Variants in DNAH11 observed in about 807,000 individuals in gnomAD.
DNAH11 encodes axonemal beta dynein heavy chain 11.
Under a neutral mutation model 526.0 loss-of-function variants are expected in DNAH11, and 442 were observed. The observed-to-expected ratio is 0.84, with a 90% CI of 0.78 to 0.91. The LOEUF (loss-of-function observed/expected upper bound fraction) is 0.91, where lower values mean the gene tolerates loss of function less well. DNAH11 is among the 40% of genes least tolerant of loss of function. The pLI is 0.00. For synonymous variants in DNAH11, 2,461 were observed against 1,935.9 expected, an observed-to-expected ratio of 1.27 and a Z score of -7.12; for missense variants, 6,989 against 5,448.7, an observed-to-expected ratio of 1.28 and a Z score of -8.90.
intron 31 of DNAH11, among the ~76,000 whole-genome samples, chr7:21,682,968 T>G (rs1431196108): frequency 6.6e-6 from 1 of 152,224 alleles, no homozygotes; most frequent in Admixed American, 6.5e-5. Context: ...ATGAACTGTT[T>G]ATATCTAACT....
chr7:21,834,035 T>A (rs1195013901), intron 65 of DNAH11, among the ~76,000 whole-genome samples: 1 of 152,146 alleles, frequency 6.6e-6, no homozygotes, highest in Non-Finnish European at 1.5e-5. Flanking sequence ...TTCCACCCAA[T>A]AGCGCAGAAT....
rs116739148 is a variant in DNAH11, at chr7:21,708,125, A to C, written c.6683+290A>C. 0.014 allele frequency among the ~76,000 whole-genome samples: 2,170 copies of C among 152,320 alleles called. 49 individuals carry two copies. Among genetic ancestry groups the C allele is most frequent in the African/African-American group, 0.049 (2,022 of 41,572 alleles). ...GTGAAGTCAACATGAATGCCTCAGG[A>C]AACATCTATAAAGTACCTGATATGA... On this transcript the variant is annotated intron_variant, in intron 40 of 81. Transcript: ENST00000409508.
chr7:21,805,903 T>C (rs1789245594), intron 62 of DNAH11, among the ~76,000 whole-genome samples: 1 of 152,218 alleles, frequency 6.6e-6, no homozygotes, highest in Non-Finnish European at 1.5e-5. Context: ...TCAAGACTGA[T>C]GATTTTGTCT....
intron 54 of DNAH11, among the ~76,000 whole-genome samples, chr7:21,763,739 A>T (rs1272883730): frequency 6.7e-6 from 1 of 150,074 alleles, no homozygotes; most frequent in East Asian, 1.9e-4. Context: ...GATAGCTGAG[A>T]TATGCAAGCA....
chr7:21,881,227 T>G (rs1042533733), intron 75 of DNAH11, among the ~76,000 whole-genome samples: 2 of 152,222 alleles, frequency 1.3e-5, no homozygotes, highest in African/African-American at 2.4e-5. Flanking sequence ...TTTGCACAAA[T>G]GTAATTACAT....
intron 65 of DNAH11, among the ~76,000 whole-genome samples, chr7:21,825,319 G>C (rs1790234573): frequency 6.6e-6 from 1 of 152,162 alleles, no homozygotes; most frequent in African/African-American, 2.4e-5. Flanking sequence ...ACATCTACAG[G>C]TACACACATT....
At chr7:21,885,986 TCATG>T (rs1465131239) in intron 76 of DNAH11, among the ~76,000 whole-genome samples, 2 of 152,222 alleles carry the variant, frequency 1.3e-5, no homozygotes, top group South Asian at 2.1e-4. Context: ...TGTAGTTTTC[TCATG>T]CTCTCTCTCC....
chr7:21,614,132 C>A (rs1266361694), intron 20 of DNAH11, among the ~76,000 whole-genome samples: 1 of 151,810 alleles, frequency 6.6e-6, no homozygotes, highest in Admixed American at 6.6e-5. Context: ...TTTTATTTGT[C>A]AATTGAAAAA....
At chr7:21,811,284 G>C (rs1415910759) in intron 63 of DNAH11, among the ~76,000 whole-genome samples, 1 of 150,554 alleles carries the variant, frequency 6.6e-6, no homozygotes, top group Non-Finnish European at 1.5e-5. Flanking sequence ...CCAACATGGT[G>C]AAACCCCCCC....
chr7:21,582,929 G>A (rs1012073572), intron 9 of DNAH11, among the ~76,000 whole-genome samples: 5 of 152,040 alleles, frequency 3.3e-5, no homozygotes, highest in Admixed American at 2.0e-4. Context: ...GGCGTTCTCT[G>A]GCCCCAGTCA....
chr7:21,707,962 C>T (rs1054214659), intron 40 of DNAH11, 127 bp downstream of exon 40: 11 of 871,248 alleles, frequency 1.3e-5, no homozygotes, highest in African/African-American at 3.4e-5. Context: ...GGAAATATAG[C>T]AGATCACAAC....
intron 49 of DNAH11, among the ~76,000 whole-genome samples, 167 bp from the exon 50 acceptor site, chr7:21,744,271 C>T (rs1178718673): frequency 6.6e-6 from 1 of 152,158 alleles, no homozygotes; most frequent in Non-Finnish European, 1.5e-5. Flanking sequence ...AAATATTGCA[C>T]TTATCAAAGA....
rs1199888995 is a variant in DNAH11 at position 21,565,829 on chromosome 7, C to G, written c.1194+1432C>G. On this transcript the variant is annotated intron_variant, in intron 6 of 81. Coordinates refer to ENST00000409508, the MANE Select transcript of DNAH11 (RefSeq NM_001277115.2). The stretch of plus-strand genomic sequence containing the variant: ...GTTGCCTTCTGTTCTTTTGCCCAAA[C>G]TATTGACTTACAGGCTAGTTGCAGC... Among the ~76,000 whole-genome samples the G allele has an allele frequency of 3.9e-5, 6 of 152,188 alleles. No homozygotes were observed. In the South Asian group the frequency reaches 8.3e-4, roughly 21 times the overall value.
At chr7:21,716,812 A>G (rs1159152070) in intron 42 of DNAH11, among the ~76,000 whole-genome samples, 2 of 152,198 alleles carry the variant, frequency 1.3e-5, no homozygotes, top group Non-Finnish European at 2.9e-5. Context: ...AAAAGTTTTG[A>G]CAGTTGACAT....
intron 58 of DNAH11, among the ~76,000 whole-genome samples, chr7:21,786,324 G>GTGTGTGTA (rs1183489072): frequency 6.6e-6 from 1 of 151,922 alleles, no homozygotes; most frequent in East Asian, 1.9e-4. Flanking sequence ...GTGTGTGTGT[G>GTGTGTGTA]TGTGTATCCT....
chr7:21,732,962 G>T (rs573448072), intron 45 of DNAH11, among the ~76,000 whole-genome samples: 31 of 152,358 alleles, frequency 2.0e-4, no homozygotes, highest in Non-Finnish European at 3.8e-4. Context: ...GGCCTGGGCA[G>T]TGGGGCTGCC....
At chr7:21,598,923 G>C (rs7788616) in intron 14 of DNAH11, among the ~76,000 whole-genome samples, 41,387 of 146,230 alleles carry the variant, frequency 0.28, 6,631 homozygotes, top group African/African-American at 0.45. Context: ...TGATCTCGTT[G>C]TTTTTTATGG....
chr7:21,742,352 G>T (rs1446167880), intron 49 of DNAH11, among the ~76,000 whole-genome samples, 186 bp downstream of exon 49: 1 of 152,168 alleles, frequency 6.6e-6, no homozygotes, highest in Non-Finnish European at 1.5e-5. Context: ...CTTCTGGTGA[G>T]GGCCTCAGGA....
chr7:21,866,328 A>AC, intron 70 of DNAH11, 142 bp from the exon 71 acceptor site: 1 of 682,890 alleles, frequency 1.5e-6, no homozygotes. Context: ...AGCAAAAAAA[A>AC]AAAAAAAGGA....
Sources: allele counts gnomAD v4.1 joint callset (sites outside exome capture counted in the v4.1 genomes callset), GRCh38; gene constraint gnomAD v4.1.1; transcripts MANE v1.5; gene names NCBI Gene and HGNC (gene_info 2026-07-23, HGNC 2026-07-21).